ATG4A: variants seen among roughly 807,000 people sequenced by gnomAD.
ATG4A encodes the protein autophagy related 4A cysteine peptidase, also known as cysteine protease ATG4A.
A neutral mutation model predicts 38.4 loss-of-function variants in ATG4A; 22 were observed. The observed-to-expected ratio is 0.57, with a 90% confidence interval of 0.41 to 0.82. ATG4A has a LOEUF of 0.82. Ranked by LOEUF, ATG4A falls within the 40% of genes least tolerant of loss-of-function variation. ATG4A has a pLI of 0.00. For synonymous variants in ATG4A, 86 were observed against 100.7 expected (o/e 0.85, Z 0.88); for missense variants, 220 against 290.0 (o/e 0.76, Z 1.75).
intron 1 of ATG4A, among the ~76,000 whole-genome samples, chrX:108,101,826 C>T (rs959583036): frequency 9.2e-5 from 10 of 108,790 alleles, no homozygotes; most frequent in Non-Finnish European, 1.3e-4. Context: ...TGGAATCATG[C>T]AGTATTTACC....
At chrX:108,143,251 G>A (rs977372085) in intron 9 of ATG4A, among the ~76,000 whole-genome samples, 2 of 112,311 alleles carry the variant, frequency 1.8e-5, no homozygotes, top group African/African-American at 6.5e-5. Flanking sequence ...AGCTGGTCAC[G>A]TGGTCGTAGC....
rs1340980013 is a variant in ATG4A at position 108,150,150 on chromosome X, A to G, written c.815-2A>G. 8.3e-7 allele frequency: 1 copy of G among 1,209,569 alleles called. No individual in the cohort carries two copies. Among genetic ancestry groups the G allele is most frequent in the East Asian group, 3.0e-5 (1 of 33,766 alleles). Reference sequence around the variant, plus strand: ...AGGTTAAGCATATCTCCTTCAAAACAGGTGACGAGCTCATCTTCTTGGACC... The same window carrying G: ...AGGTTAAGCATATCTCCTTCAAAACGGGTGACGAGCTCATCTTCTTGGACC... On this transcript the variant is annotated splice_acceptor_variant, in intron 9 of 12. Transcript: ENST00000372232. LOFTEE classifies it high-confidence loss of function.
At chrX:108,122,412 G>T (rs983058274) in intron 1 of ATG4A, among the ~76,000 whole-genome samples, 1 of 111,480 alleles carries the variant, frequency 9.0e-6, no homozygotes, top group African/African-American at 3.3e-5. Context: ...AGCAATCCAG[G>T]GAACATTTAC....
chrX:108,119,219 T>C (rs1013532350), intron 1 of ATG4A, among the ~76,000 whole-genome samples: 6 of 111,820 alleles, frequency 5.4e-5, no homozygotes, highest in African/African-American at 1.3e-4. Flanking sequence ...GAAACTGTTC[T>C]GTATCTGTGC....
chrX:108,131,439 C>G (rs1431440481), intron 4 of ATG4A, 81 bp downstream of exon 4: 2 of 961,481 alleles, frequency 2.1e-6, no homozygotes, highest in Non-Finnish European at 2.9e-6. Context: ...TGATGCTGAG[C>G]CTTGGGAACA....
intron 9 of ATG4A, among the ~76,000 whole-genome samples, chrX:108,139,999 T>C (rs1244811887): frequency 1.8e-5 from 2 of 112,232 alleles, no homozygotes; most frequent in Non-Finnish European, 3.8e-5. Flanking sequence ...CCCCACTTCC[T>C]AATACCATCA....
intron 9 of ATG4A, among the ~76,000 whole-genome samples, chrX:108,144,652 A>C (rs868822648): frequency 1.8e-5 from 2 of 111,855 alleles, no homozygotes; most frequent in South Asian, 7.6e-4. Context: ...GATTATTAAA[A>C]TTCTCCTCTC....
In ATG4A at chrX:108,154,165, G is replaced by T. The variant is rs1181200258; in HGVS notation, c.*453G>T. The T allele has an allele frequency of 3.5e-5, 4 of 113,391 alleles. No individual in the cohort carries two copies. Among genetic ancestry groups the T allele is most frequent in the African/African-American group, 1.3e-4 (4 of 31,102 alleles). The allele number at this position is 113,391 out of a possible 1,213,427, so 9.3% of individuals were successfully genotyped here. A position where few individuals can be genotyped will look rare whatever the true frequency, so the allele number is the denominator to read the frequency against. On this transcript the variant is annotated 3_prime_UTR_variant, in exon 13 of 13. Coordinates refer to ENST00000372232, the MANE Select transcript of ATG4A (RefSeq NM_052936.5). ...TGTTCTCTTGCTCAAATAATAAAGT[G>T]ACTGAATCAGGGAGGAAAAGGTTCT...
chrX:108,130,760 A>G (rs73535862), intron 3 of ATG4A, among the ~76,000 whole-genome samples: 5,702 of 111,513 alleles, frequency 0.051, 392 homozygotes, highest in African/African-American at 0.18. Context: ...TCAGATCTTC[A>G]TAGTGTATAT....
At chrX:108,148,892 T>C (rs1362519247) in intron 9 of ATG4A, among the ~76,000 whole-genome samples, 2 of 112,332 alleles carry the variant, frequency 1.8e-5, no homozygotes, top group African/African-American at 3.2e-5. Flanking sequence ...ATACTGTTGA[T>C]TTGCAGTAAA....
chrX:108,088,878 C>A, upstream of ATG4A: 1 of 1,074,907 alleles, frequency 9.3e-7, no homozygotes, highest in Non-Finnish European at 1.2e-6. Context: ...TAGAAACATT[C>A]TTGAAATAGA....
chrX:108,137,174 A>G lies in ATG4A; in HGVS notation c.547+4A>G, dbSNP rs2033126967. On this transcript the variant is annotated splice_donor_region_variant and intron_variant, in intron 7 of 12. Transcript: ENST00000372232. The stretch of plus-strand genomic sequence containing the variant: ...ACAGTGGTCATTGAAGATATCAGTG[A>G]GTTACCAGCCTGTTTAACTTCCCAG... The G allele has an allele frequency of 8.4e-7, 1 of 1,196,294 alleles. No individual in the cohort carries two copies. Among genetic ancestry groups the G allele is most frequent in the Non-Finnish European group, 1.1e-6 (1 of 884,065 alleles).
chrX:108,092,773 G>A (rs1186366755), intron 1 of ATG4A, among the ~76,000 whole-genome samples: 1 of 111,258 alleles, frequency 9.0e-6, no homozygotes, highest in East Asian at 2.8e-4. Context: ...TTCTTTTTAG[G>A]GGATAATATT....
intron 9 of ATG4A, among the ~76,000 whole-genome samples, chrX:108,144,010 A>G (rs2033366126): frequency 8.9e-6 from 1 of 112,874 alleles, no homozygotes. Context: ...GGAACATGGT[A>G]AGACCAGTGA....
At chrX:108,112,918 C>A (rs746645493) in intron 1 of ATG4A, among the ~76,000 whole-genome samples, 2 of 110,034 alleles carry the variant, frequency 1.8e-5, no homozygotes, top group South Asian at 3.9e-4. Context: ...TTTTTTATCT[C>A]TTTTCTTGTC....
At chrX:108,132,841 T>G (rs1411173365) in intron 4 of ATG4A, among the ~76,000 whole-genome samples, 3 of 110,811 alleles carry the variant, frequency 2.7e-5, no homozygotes, top group Non-Finnish European at 5.7e-5. Context: ...CTCAATTGTT[T>G]CAATACAAAA....
chrX:108,136,073 C>T (rs1186304613), intron 6 of ATG4A, among the ~76,000 whole-genome samples: 2 of 111,453 alleles, frequency 1.8e-5, no homozygotes, highest in African/African-American at 6.5e-5. Context: ...TGAGCCACCA[C>T]GCCTGGTGTA....
chrX:108,123,636 C>CT (rs1302973638), intron 1 of ATG4A, among the ~76,000 whole-genome samples: 1 of 112,072 alleles, frequency 8.9e-6, no homozygotes, highest in East Asian at 2.8e-4. Context: ...TTCGGGGTGT[C>CT]TATCTTTTAA....
At chrX:108,152,018 G>A (rs2033601848) in intron 11 of ATG4A, 160 bp downstream of exon 11, 2 of 500,792 alleles carry the variant, frequency 4.0e-6, no homozygotes, top group Non-Finnish European at 6.2e-6. Flanking sequence ...GTGGGGAATT[G>A]TGCATAACTT....
Sources: allele counts gnomAD v4.1 joint callset (sites outside exome capture counted in the v4.1 genomes callset), GRCh38; gene constraint gnomAD v4.1.1; transcripts MANE v1.5; gene names NCBI Gene and HGNC (gene_info 2026-07-23, HGNC 2026-07-21).